The following ATP2B2 variants were observed in gnomAD, a reference collection of about 807,000 sequenced individuals.
ATP2B2 encodes ATPase plasma membrane Ca2+ transporting 2, also known as plasma membrane calcium-transporting ATPase 2.
ATP2B2 carries 15 observed loss-of-function variants against 120.0 expected under a neutral mutation model. That is an observed-to-expected ratio of 0.12 (90% CI 0.08 to 0.19). The LOEUF (loss-of-function observed/expected upper bound fraction) is 0.19, where lower values mean the gene tolerates loss of function less well. Ranked by LOEUF, ATP2B2 falls within the 10% of genes least tolerant of loss-of-function variation. The pLI is 1.00. For missense variants in ATP2B2, 1,045 were observed against 1,719.8 expected (o/e 0.61, Z 6.94); for synonymous variants, 694 against 700.3 (o/e 0.99, Z 0.14).
chr3:10,336,919 C>T (rs1189370145), intron 22 of ATP2B2, among the ~76,000 whole-genome samples: 2 of 152,198 alleles, frequency 1.3e-5, no homozygotes, highest in African/African-American at 2.4e-5. Flanking sequence ...GAGACCCCTG[C>T]GTGGCTTTGC....
At chr3:10,485,634 G>A (rs1024166919) in intron 1 of ATP2B2, among the ~76,000 whole-genome samples, 4 of 152,242 alleles carry the variant, frequency 2.6e-5, no homozygotes, top group East Asian at 1.9e-4. Context: ...CTCCAGAGAA[G>A]GGGGTGGTGA....
At chr3:10,470,000 C>A (rs1318998181) in intron 1 of ATP2B2, among the ~76,000 whole-genome samples, 1 of 152,060 alleles carries the variant, frequency 6.6e-6, no homozygotes, top group Non-Finnish European at 1.5e-5. Flanking sequence ...TAGAACAGCG[C>A]AGCCCCCGTG....
At chr3:10,662,470 A>G (rs2125681099) in intron 1 of ATP2B2, among the ~76,000 whole-genome samples, 1 of 137,082 alleles carries the variant, frequency 7.3e-6, no homozygotes, top group Non-Finnish European at 1.5e-5. Flanking sequence ...ACATTTATGC[A>G]GCCAAAAAAC....
In ATP2B2 at chr3:10,352,554, C is replaced by A. The variant is rs147058666; in HGVS notation, c.2137-1977G>T. ...TGTTGAAGGGTTAGAGCAGGGCCAGCTGACCACCAGCCTCCTCTGGGGCTT... is the reference window on the plus strand; with the variant it reads ...TGTTGAAGGGTTAGAGCAGGGCCAGATGACCACCAGCCTCCTCTGGGGCTT... On this transcript the variant is annotated intron_variant, in intron 14 of 22. Coordinates refer to ENST00000360273, the MANE Select transcript of ATP2B2 (RefSeq NM_001001331.4). Among the ~76,000 whole-genome samples the A allele has an allele frequency of 1.3e-3, 201 of 152,350 alleles. 3 individuals are homozygous for A. The highest frequency in any genetic ancestry group is 4.6e-3 in the African/African-American group (192 of 41,590).
intron 2 of ATP2B2, among the ~76,000 whole-genome samples, chr3:10,589,253 C>T (rs2068586562): frequency 6.6e-6 from 1 of 152,194 alleles, no homozygotes; most frequent in Admixed American, 6.5e-5. Context: ...TGTCAGAGTC[C>T]TAGAAGGCTA....
At chr3:10,573,918 C>T (rs61349915) in intron 2 of ATP2B2, among the ~76,000 whole-genome samples, 20,835 of 152,142 alleles carry the variant, frequency 0.14, 1,487 homozygotes, top group East Asian at 0.2. Context: ...AAACCCAGAT[C>T]CTTTCTGGTC....
intron 3 of ATP2B2, among the ~76,000 whole-genome samples, chr3:10,518,204 ATCTC>A (rs1003144506): frequency 6.6e-5 from 10 of 152,188 alleles, no homozygotes; most frequent in African/African-American, 2.4e-4. Flanking sequence ...AAACATATGT[ATCTC>A]TCTACTTAGT....
chr3:10,494,228 T>C (rs922620701), intron 1 of ATP2B2, among the ~76,000 whole-genome samples: 22 of 152,176 alleles, frequency 1.4e-4, no homozygotes, highest in African/African-American at 5.3e-4. Context: ...CTCCCTACTC[T>C]GATCCCACGA....
intron 12 of ATP2B2, among the ~76,000 whole-genome samples, chr3:10,367,037 T>C (rs1209789522): frequency 6.6e-6 from 1 of 152,166 alleles, no homozygotes; most frequent in African/African-American, 2.4e-5. Flanking sequence ...GCCTCAGCCC[T>C]CACACCACCC....
intron 1 of ATP2B2, among the ~76,000 whole-genome samples, chr3:10,689,808 C>T (rs188431552): frequency 1.3e-4 from 20 of 152,362 alleles, no homozygotes; most frequent in Admixed American, 3.9e-4. Context: ...TGGTTTATCA[C>T]ACTCTGACGT....
chr3:10,648,911 C>A (rs191758421), intron 1 of ATP2B2, among the ~76,000 whole-genome samples: 13 of 152,164 alleles, frequency 8.5e-5, no homozygotes, highest in Non-Finnish European at 1.0e-4. Context: ...CTTCTTGCAT[C>A]CTCTCATCAT....
intron 2 of ATP2B2, among the ~76,000 whole-genome samples, chr3:10,431,304 G>C (rs1443928426): frequency 6.6e-6 from 1 of 151,798 alleles, no homozygotes. Context: ...TCGCATGCTA[G>C]AGTAACCTTT....
rs2062260575 is a variant in ATP2B2, at chr3:10,402,599, C to G, written c.398-251G>C. Among the ~76,000 whole-genome samples the G allele has an allele frequency of 6.6e-6, 1 of 152,236 alleles. No homozygotes were observed. The highest frequency in any genetic ancestry group is 1.5e-5 in the Non-Finnish European group (1 of 68,044). On this transcript the variant is annotated intron_variant, in intron 3 of 22. Coordinates refer to ENST00000360273, the MANE Select transcript of ATP2B2 (RefSeq NM_001001331.4). The surrounding 1 kb of genome is among the most constrained non-coding windows in gnomAD (Gnocchi z 4.9). ...TTCTCAGAGAGGTCAGGTGACTTGC[C>G]CAAGCAATGAAGGGCAAGTAGGAAG...
intron 1 of ATP2B2, among the ~76,000 whole-genome samples, chr3:10,690,476 C>CTATCTATATATATATA (rs557043167): frequency 6.7e-6 from 1 of 150,342 alleles, no homozygotes; most frequent in African/African-American, 2.5e-5. Flanking sequence ...ATCTATCTAT[C>CTATCTATATATATATA]TATATATCTC....
At position 10,338,375 on chromosome 3, in the gene ATP2B2, C is replaced by CT. The variant is rs1283940028; in HGVS notation, c.3238-18dup. 1.2e-6 allele frequency: 2 copies of CT among 1,614,180 alleles called. No individual in the cohort carries two copies. Among genetic ancestry groups the CT allele is most frequent in the East Asian group, 4.5e-5 (2 of 44,872 alleles). On this transcript the variant is annotated splice_polypyrimidine_tract_variant and intron_variant, in intron 21 of 22. Transcript: ENST00000360273. Reference sequence around the variant, plus strand: ...GGCGATGACCTGCAAGGGACCCTGTCTGTCAGGACGGTGGGGCTGTCCTTC... The same window carrying CT: ...GGCGATGACCTGCAAGGGACCCTGTCTTGTCAGGACGGTGGGGCTGTCCTTC...
At chr3:10,479,714 G>C (rs574881764) in intron 1 of ATP2B2, among the ~76,000 whole-genome samples, 6 of 152,270 alleles carry the variant, frequency 3.9e-5, no homozygotes, top group African/African-American at 9.6e-5. Flanking sequence ...GGGCCTAGCA[G>C]TGTCTAGCAC....
In ATP2B2 at chr3:10,410,517, C is replaced by T. The variant is rs2062572332; in HGVS notation, c.397+101G>A. On this transcript the variant is annotated intron_variant, in intron 3 of 22. Coordinates refer to ENST00000360273, the MANE Select transcript of ATP2B2 (RefSeq NM_001001331.4). ...TGCCCCTTGGACCTCGGTTTCTTCC[C>T]CTGGGAGGAGAGGATTATTTGTGTG... 4.2e-6 allele frequency: 6 copies of T among 1,421,984 alleles called. No homozygotes were observed. The South Asian group carries it at 8.3e-5, about 20-fold the overall frequency. The allele number at this position is 1,421,984 out of a possible 1,614,324, so 88.1% of individuals were successfully genotyped here.
chr3:10,359,324 G>A (rs1260346485), intron 13 of ATP2B2, among the ~76,000 whole-genome samples: 2 of 152,102 alleles, frequency 1.3e-5, no homozygotes, highest in African/African-American at 4.8e-5. Context: ...GTGAATCCAG[G>A]AATCAATGTT....
At chr3:10,658,168 A>C (rs1156729521) in intron 1 of ATP2B2, among the ~76,000 whole-genome samples, 1 of 152,252 alleles carries the variant, frequency 6.6e-6, no homozygotes, top group Non-Finnish European at 1.5e-5. Flanking sequence ...AAAAGCTGAA[A>C]CTTCTAAAAA....
Sources: gnomAD v4.1 joint callset for allele counts (sites outside exome capture counted in the v4.1 genomes callset) on GRCh38, gnomAD v4.1.1 for gene constraint, Gnocchi (gnomAD v3.1) non-coding constraint, MANE v1.5 for transcripts, NCBI Gene and HGNC (gene_info 2026-07-23, HGNC 2026-07-21) for gene names.